Variants in DMD observed in about 807,000 individuals in gnomAD.
DMD encodes the protein dystrophin, also known as mutant dystrophin.
Under a neutral mutation model 330.1 loss-of-function variants are expected in DMD, and 63 were observed. The ratio of observed to expected loss-of-function variants is 0.19; its 90% CI spans 0.16 to 0.24. The LOEUF is 0.24. Ranked by LOEUF, DMD falls within the 10% of genes least tolerant of loss-of-function variation. The pLI is 1.00. For missense variants in DMD, 3,344 were observed against 2,684.1 expected, an observed-to-expected ratio of 1.25 and a Z score of -5.43; for synonymous variants, 1,223 against 959.8, an observed-to-expected ratio of 1.27 and a Z score of -5.07.
chrX:31,769,892 T>C (rs911817873), intron 51 of DMD, among the ~76,000 whole-genome samples: 1 of 111,974 alleles, frequency 8.9e-6, no homozygotes, highest in East Asian at 2.8e-4. Flanking sequence ...GAGAATTGCC[T>C]TTCCCTAATT....
chrX:31,314,742 C>CAGAGAGAGAGAGAGAGAGAGAAAGAGAG (rs1556488351), intron 62 of DMD, among the ~76,000 whole-genome samples: 93 of 55,271 alleles, frequency 1.7e-3, no homozygotes, highest in African/African-American at 6.9e-3. Context: ...AATACATACA[C>CAGAGAGAGAGAGAGAGAGAGAAAGAGAG]AGAGAGAGAG....
chrX:31,592,430 A>G (rs1291570806), intron 55 of DMD, among the ~76,000 whole-genome samples: 1 of 104,621 alleles, frequency 9.6e-6, no homozygotes, highest in Non-Finnish European at 2.0e-5. Flanking sequence ...TTAATGAGGA[A>G]TTTGATGATG....
At chrX:33,129,604 T>G (rs1303143678) in intron 1 of DMD, among the ~76,000 whole-genome samples, 2 of 108,528 alleles carry the variant, frequency 1.8e-5, no homozygotes, top group African/African-American at 6.8e-5. Flanking sequence ...GGCAGTAAGT[T>G]AAAATGTGAC....
At chrX:32,529,455 G>A (rs1318267979) in intron 17 of DMD, among the ~76,000 whole-genome samples, 1 of 76,096 alleles carries the variant, frequency 1.3e-5, no homozygotes, top group Non-Finnish European at 2.3e-5. Context: ...CTGGAGTGCA[G>A]TGGCACAATC....
At chrX:31,736,328 A>T (rs1216381567) in intron 51 of DMD, among the ~76,000 whole-genome samples, 1 of 111,757 alleles carries the variant, frequency 8.9e-6, no homozygotes, top group Non-Finnish European at 1.9e-5. Context: ...GACTGTCATC[A>T]CTATCAATGG....
chrX:31,750,217 C>T (rs2088391154), intron 51 of DMD, among the ~76,000 whole-genome samples: 1 of 108,737 alleles, frequency 9.2e-6, no homozygotes, highest in Non-Finnish European at 1.9e-5. Context: ...GAAGTCCTTG[C>T]CCATGCCTAT....
intron 48 of DMD, among the ~76,000 whole-genome samples, chrX:31,845,413 CTCTCTCTCTCT>C (rs1569474934): frequency 7.7e-5 from 8 of 103,659 alleles, no homozygotes; most frequent in African/African-American, 2.1e-4. Context: ...CTCTCTCTCT[CTCTCTCTCTCT>C]CCCTCTCCTC....
At chrX:31,422,146 T>C (rs2063480414) in intron 60 of DMD, among the ~76,000 whole-genome samples, 2 of 106,261 alleles carry the variant, frequency 1.9e-5, no homozygotes, top group African/African-American at 6.9e-5. Context: ...GCTGGGACTA[T>C]GGGTGCATGC....
chrX:31,725,602 G>C (rs1331461631), intron 52 of DMD, among the ~76,000 whole-genome samples: 1 of 112,028 alleles, frequency 8.9e-6, no homozygotes, highest in Non-Finnish European at 1.9e-5. Context: ...CTATTTTACA[G>C]AGAAGGAAAC....
intron 44 of DMD, among the ~76,000 whole-genome samples, chrX:32,007,734 A>AT (rs1295268723): frequency 9.0e-6 from 1 of 110,579 alleles, no homozygotes; most frequent in Non-Finnish European, 1.9e-5. Flanking sequence ...TCAACAATCC[A>AT]TTTTCTAGTT....
At chrX:31,535,980 T>C (rs193256489) in intron 55 of DMD, among the ~76,000 whole-genome samples, 1 of 112,151 alleles carries the variant, frequency 8.9e-6, no homozygotes, top group East Asian at 2.8e-4. Context: ...TTTTCTTAAT[T>C]TAACACCTAG....
rs373475857 is a variant in DMD, at chrX:32,464,592, C to A, written c.3270G>T (p.Gln1090His). 2.5e-6 allele frequency: 3 copies of A among 1,192,136 alleles called. No individual in the cohort carries two copies. Among genetic ancestry groups the A allele is most frequent in the Non-Finnish European group, 3.4e-6 (3 of 877,653 alleles). Residue 1090 changes from glutamine (Q) to histidine (H), a missense_variant, in exon 24 of 79, where the codon CAG (glutamine) becomes CAT (histidine). Transcript: ENST00000357033. ...DSEILKKQLK[Q>H]CRLLVSDIQT... ...CATCATATAAAAATCTTACTCTGCA[C>A]TGTTTCAGCTGCTTTTTTAGAATTT...
chrX:32,817,635 C>T (rs996903434), intron 5 of DMD, among the ~76,000 whole-genome samples: 1 of 111,878 alleles, frequency 8.9e-6, no homozygotes, highest in African/African-American at 3.2e-5. Flanking sequence ...AAGCACTTTC[C>T]TTCTGGGAAG....
intron 30 of DMD, among the ~76,000 whole-genome samples, chrX:32,402,302 A>G (rs1469085367): frequency 9.0e-6 from 1 of 111,682 alleles, no homozygotes; most frequent in Non-Finnish European, 1.9e-5. Context: ...AGTAATTGAT[A>G]TATTCTCTAT....
At chrX:31,822,035 G>T (rs141766974) in intron 49 of DMD, among the ~76,000 whole-genome samples, 1 of 112,007 alleles carries the variant, frequency 8.9e-6, no homozygotes, top group Non-Finnish European at 1.9e-5. Flanking sequence ...AATTGTTCAG[G>T]TGCTACTCTG....
At chrX:31,370,998 CTA>C (rs777629513) in intron 60 of DMD, among the ~76,000 whole-genome samples, 27 of 111,310 alleles carry the variant, frequency 2.4e-4, no homozygotes, top group African/African-American at 8.8e-4. Context: ...GGAAAACAGA[CTA>C]GTAGTTGCTG....
At chrX:32,796,961 A>G (rs1244970975) in intron 7 of DMD, among the ~76,000 whole-genome samples, 2 of 112,129 alleles carry the variant, frequency 1.8e-5, no homozygotes, top group African/African-American at 6.5e-5. Flanking sequence ...GTATATTTTC[A>G]TCTTATATTT....
At chrX:32,554,985 A>G (rs6631605) in intron 16 of DMD, among the ~76,000 whole-genome samples, 11 of 104,555 alleles carry the variant, frequency 1.1e-4, no homozygotes, top group East Asian at 3.2e-4. Context: ...GAGAGAGAGA[A>G]AGAAAGAGAG....
At chrX:31,225,412 G>A (rs1239578764) in intron 63 of DMD, among the ~76,000 whole-genome samples, 1 of 112,404 alleles carries the variant, frequency 8.9e-6, no homozygotes, top group African/African-American at 3.2e-5. Flanking sequence ...TTAGTGGTTT[G>A]CAAAATATGA....
Sources: allele counts gnomAD v4.1 joint callset (sites outside exome capture counted in the v4.1 genomes callset), GRCh38; gene constraint gnomAD v4.1.1; transcripts MANE v1.5; gene names NCBI Gene and HGNC (gene_info 2026-07-23, HGNC 2026-07-21).